Variants in SMYD3 observed in about 807,000 individuals in gnomAD.
The protein encoded by SMYD3 is SET and MYND domain containing 3.
In SMYD3, 36 loss-of-function variants were observed where a neutral mutation model predicts 57.7. That is an observed-to-expected ratio of 0.62 (90% CI 0.48 to 0.82). SMYD3 has a LOEUF of 0.82. Among genes scored for constraint, SMYD3 ranks in the 40% least tolerant of loss-of-function variants. The probability of loss-of-function intolerance (pLI) is 0.00; values close to 1 mark genes in which losing one functional copy is unlikely to be tolerated. For synonymous variants in SMYD3, 211 were observed against 195.0 expected (o/e 1.08, Z -0.68); for missense variants, 515 against 538.8 (o/e 0.96, Z 0.44).
intron 10 of SMYD3, among the ~76,000 whole-genome samples, chr1:245,831,585 T>C (rs1053575901): frequency 1.3e-5 from 2 of 152,226 alleles, no homozygotes; most frequent in African/African-American, 2.4e-5. Flanking sequence ...CACACAAAGG[T>C]TGTCGATGTT....
intron 8 of SMYD3, among the ~76,000 whole-genome samples, chr1:245,878,939 C>T (rs1572575597): frequency 6.6e-6 from 1 of 152,172 alleles, no homozygotes; most frequent in African/African-American, 2.4e-5. Context: ...AAGAGTAATG[C>T]CCCTTTTCTC....
intron 2 of SMYD3, among the ~76,000 whole-genome samples, chr1:246,340,062 G>A (rs867555903): frequency 1.3e-5 from 2 of 152,020 alleles, no homozygotes; most frequent in African/African-American, 4.8e-5. Context: ...AAACCACTGA[G>A]TTAAACTAAA....
chr1:246,309,952 A>T (rs1484695084), intron 5 of SMYD3, among the ~76,000 whole-genome samples: 1 of 152,182 alleles, frequency 6.6e-6, no homozygotes, highest in Non-Finnish European at 1.5e-5. Context: ...CTAGGTTTTT[A>T]AGACAGAGCA....
intron 5 of SMYD3, among the ~76,000 whole-genome samples, chr1:246,239,981 T>C (rs1442288080): frequency 6.6e-6 from 1 of 152,242 alleles, no homozygotes; most frequent in Non-Finnish European, 1.5e-5. Flanking sequence ...TTATAGTTTC[T>C]GGATATCAGC....
intron 8 of SMYD3, among the ~76,000 whole-genome samples, chr1:245,898,142 C>G (rs901307013): frequency 1.3e-5 from 2 of 152,142 alleles, no homozygotes; most frequent in African/African-American, 4.8e-5. Context: ...TATATTGCTT[C>G]TAGGCCTTTT....
intron 5 of SMYD3, among the ~76,000 whole-genome samples, chr1:245,954,132 G>T (rs577085516): frequency 6.6e-6 from 1 of 152,306 alleles, no homozygotes; most frequent in Non-Finnish European, 1.5e-5. Context: ...GTCCTAAGGG[G>T]TCAACACTGT....
chr1:245,823,335 G>A (rs548461112), intron 10 of SMYD3, among the ~76,000 whole-genome samples: 7 of 122,694 alleles, frequency 5.7e-5, no homozygotes, highest in South Asian at 3.1e-4. Context: ...ACACACACGC[G>A]CGCTCGTGCT....
At position 245,884,081 on chromosome 1, in the gene SMYD3, C is replaced by T. The variant is rs895642911; in HGVS notation, c.814-20195G>A. On this transcript the variant is annotated intron_variant, in intron 8 of 11. Transcript: ENST00000490107. ...GCTTTTTAGCAATGCAGAGATCAGA[C>T]AGATGAAAAAGACTGTTCTTAGAAG... Among the ~76,000 whole-genome samples the T allele has an allele frequency of 3.9e-5, 6 of 152,072 alleles. No homozygotes were observed. In the East Asian group the frequency reaches 9.6e-4, roughly 24 times the overall value.
intron 1 of SMYD3, among the ~76,000 whole-genome samples, chr1:246,495,568 A>G (rs1039762401): frequency 1.3e-5 from 2 of 152,170 alleles, no homozygotes; most frequent in Admixed American, 1.3e-4. Context: ...AGAGGGAAAA[A>G]GTCCCAAGAA....
chr1:246,090,432 C>G (rs2060801155), intron 5 of SMYD3, among the ~76,000 whole-genome samples: 1 of 151,982 alleles, frequency 6.6e-6, no homozygotes, highest in Non-Finnish European at 1.5e-5. Flanking sequence ...AAATCCTGAT[C>G]TCCACCAAGA....
intron 1 of SMYD3, among the ~76,000 whole-genome samples, chr1:246,398,336 G>A (rs2066709934): frequency 6.6e-6 from 1 of 152,234 alleles, no homozygotes; most frequent in South Asian, 2.1e-4. Context: ...AATTCTTCCC[G>A]TGGTTAGTTT....
In SMYD3 at chr1:246,355,294, G is replaced by A; in HGVS notation, c.165-200C>T. 1.8e-6 allele frequency: 1 copy of A among 550,044 alleles called. No individual in the cohort carries two copies. Among genetic ancestry groups the A allele is most frequent in the Non-Finnish European group, 3.2e-6 (1 of 310,266 alleles). 34.1% of individuals were successfully genotyped at this position (550,044 alleles called of 1,614,324 possible). A position where few individuals can be genotyped will look rare whatever the true frequency, so the allele number is the denominator to read the frequency against. On this transcript the variant is annotated intron_variant, in intron 1 of 11. Transcript: ENST00000490107. The surrounding 1 kb of genome is among the most constrained non-coding windows in gnomAD (Gnocchi z 5.0). ...TGTGAGACACTGATAGAAAAACTAA[G>A]TCCTTTTGTCTGACAGAAGATGGCG...
At chr1:246,318,803 C>T (rs2065204209) in intron 5 of SMYD3, among the ~76,000 whole-genome samples, 1 of 152,178 alleles carries the variant, frequency 6.6e-6, no homozygotes, top group Non-Finnish European at 1.5e-5. Flanking sequence ...TAACCTTGAC[C>T]AACACGGGTA....
intron 5 of SMYD3, among the ~76,000 whole-genome samples, chr1:246,214,868 A>G (rs1474626590): frequency 1.3e-5 from 2 of 152,128 alleles, no homozygotes; most frequent in African/African-American, 2.4e-5. Context: ...AAAATTATCC[A>G]CTCATGTTTA....
At chr1:246,036,646 C>T (rs553939201) in intron 5 of SMYD3, among the ~76,000 whole-genome samples, 92 of 151,036 alleles carry the variant, frequency 6.1e-4, no homozygotes, top group Middle Eastern at 3.4e-3. Context: ...CTCCACCTCC[C>T]GGGTTTACGC....
At chr1:245,901,504 T>G (rs1572636100) in intron 8 of SMYD3, among the ~76,000 whole-genome samples, 1 of 152,344 alleles carries the variant, frequency 6.6e-6, no homozygotes, top group East Asian at 1.9e-4. Context: ...ACTTTGTCTC[T>G]CCTTTCTCAG....
intron 5 of SMYD3, among the ~76,000 whole-genome samples, chr1:246,140,324 T>C (rs1421723002): frequency 6.6e-6 from 1 of 152,182 alleles, no homozygotes; most frequent in Non-Finnish European, 1.5e-5. Context: ...CTCTGGAAAA[T>C]TATTAGTGGT....
intron 5 of SMYD3, among the ~76,000 whole-genome samples, chr1:246,262,948 C>T (rs2064037726): frequency 6.6e-6 from 1 of 152,100 alleles, no homozygotes; most frequent in Non-Finnish European, 1.5e-5. Flanking sequence ...GGAAAGGAAG[C>T]CTGACACAGC....
At chr1:246,493,309 T>C (rs1317620867) in intron 1 of SMYD3, among the ~76,000 whole-genome samples, 2 of 151,474 alleles carry the variant, frequency 1.3e-5, no homozygotes, top group Admixed American at 6.6e-5. Flanking sequence ...TCTGAAAAAA[T>C]AAATAAATAA....
Sources: allele counts gnomAD v4.1 joint callset (sites outside exome capture counted in the v4.1 genomes callset), GRCh38; gene constraint gnomAD v4.1.1; non-coding constraint Gnocchi (gnomAD v3.1); transcripts MANE v1.5; gene names NCBI Gene and HGNC (gene_info 2026-07-23, HGNC 2026-07-21).